The following TUSC3 variants were observed in gnomAD, a reference collection of about 807,000 sequenced individuals.
TUSC3 encodes the protein dolichyl-diphosphooligosaccharide--protein glycosyltransferase subunit TUSC3.
In TUSC3, 45 loss-of-function variants were observed where a neutral mutation model predicts 44.8. The ratio of observed to expected loss-of-function variants is 1.00; its 90% CI spans 0.79 to 1.29. The LOEUF is 1.29. Ranked by LOEUF, TUSC3 falls within the 50% of genes most tolerant of loss-of-function variation. The pLI, the probability that TUSC3 is intolerant of heterozygous loss-of-function variation, is 0.00. For missense variants in TUSC3, 519 were observed against 437.9 expected, an observed-to-expected ratio of 1.19 and a Z score of -1.65; for synonymous variants, 212 against 152.9, an observed-to-expected ratio of 1.39 and a Z score of -2.85.
At chr8:15,735,870 GTTTTT>G (rs747513015) in intron 7 of TUSC3, among the ~76,000 whole-genome samples, 2 of 40,200 alleles carry the variant, frequency 5.0e-5, no homozygotes, top group Admixed American at 3.3e-4. Flanking sequence ...CGGCTAATGG[GTTTTT>G]TTTTTTTGTT....
At chr8:15,722,617 G>T (rs1026765018) in intron 6 of TUSC3, among the ~76,000 whole-genome samples, 3 of 152,028 alleles carry the variant, frequency 2.0e-5, no homozygotes, top group African/African-American at 7.2e-5. Context: ...ATGTGGTGTT[G>T]TTTACCTGCC....
intron 10 of TUSC3, among the ~76,000 whole-genome samples, chr8:15,762,910 A>C (rs529860562): frequency 7.4e-6 from 1 of 134,498 alleles, no homozygotes; most frequent in Non-Finnish European, 1.6e-5. Context: ...GACATTCTTC[A>C]TGGAGATGGT....
chr8:15,728,073 C>T (rs539548892), intron 6 of TUSC3, among the ~76,000 whole-genome samples: 2 of 152,218 alleles, frequency 1.3e-5, no homozygotes, highest in South Asian at 2.1e-4. Context: ...TTATTTTAAC[C>T]TGGCTGCATT....
chr8:15,517,078 A>T (rs539358127), intron 2 of TUSC3, among the ~76,000 whole-genome samples: 8 of 152,276 alleles, frequency 5.3e-5, no homozygotes, highest in African/African-American at 1.9e-4. Flanking sequence ...CGACGTCACT[A>T]ATCAATAGCT....
At chr8:15,671,268 GA>G (rs1807936950) in intron 5 of TUSC3, among the ~76,000 whole-genome samples, 1 of 151,886 alleles carries the variant, frequency 6.6e-6, no homozygotes. Flanking sequence ...TGTGTTTTGT[GA>G]AAATTAATCT....
chr8:15,679,248 C>G (rs567673772), intron 6 of TUSC3, among the ~76,000 whole-genome samples: 9 of 152,254 alleles, frequency 5.9e-5, no homozygotes, highest in Admixed American at 2.6e-4. Flanking sequence ...TCCCTTTTCT[C>G]CACAGCCTTG....
intron 1 of TUSC3, among the ~76,000 whole-genome samples, chr8:15,474,197 T>C (rs1201567504): frequency 6.6e-6 from 1 of 152,182 alleles, no homozygotes; most frequent in South Asian, 2.1e-4. Flanking sequence ...TCAGACCTTA[T>C]GGTTGTCTTC....
At chr8:15,793,767 C>A in the TUSC3 span, among the ~76,000 whole-genome samples, 2 of 152,190 alleles carry the variant, frequency 1.3e-5, no homozygotes, top group Non-Finnish European at 2.9e-5. Flanking sequence ...CAACACCTGG[C>A]ACATATAGGA....
intron 6 of TUSC3, among the ~76,000 whole-genome samples, chr8:15,712,786 T>G (rs1426240034): frequency 6.6e-6 from 1 of 152,138 alleles, no homozygotes; most frequent in African/African-American, 2.4e-5. Flanking sequence ...TATTCTAGTC[T>G]TCACAGGTCA....
intron 5 of TUSC3, 48 bp from the exon 6 acceptor site, chr8:15,673,696 ATTC>A: frequency 7.3e-7 from 1 of 1,364,688 alleles, no homozygotes; most frequent in Non-Finnish European, 1.0e-6. Context: ...GAAATGCATT[ATTC>A]TGGTATTCTC....
rs191618843 is a variant in TUSC3, at chr8:15,584,902, C to G, written c.139-38178C>G. 1.5e-3 allele frequency among the ~76,000 whole-genome samples: 225 copies of G among 152,128 alleles called. 3 individuals carry two copies. Among genetic ancestry groups the G allele is most frequent in the Admixed American group, 3.2e-3 (49 of 15,278 alleles). On this transcript the variant is annotated intron_variant, in intron 1 of 10. Transcript: ENST00000503731. ...GTAAAGCTTTGAGAGATCTGAAATA[C>G]TATTTGGAGTGTTTGTAGTTTATAT...
the TUSC3 span, among the ~76,000 whole-genome samples, chr8:15,819,222 C>T: frequency 6.6e-6 from 1 of 152,160 alleles, no homozygotes; most frequent in African/African-American, 2.4e-5. Context: ...GTAGACTGCA[C>T]ATCAACTATC....
chr8:15,551,273 A>T (rs1277703732), intron 1 of TUSC3, among the ~76,000 whole-genome samples: 1 of 151,716 alleles, frequency 6.6e-6, no homozygotes, highest in Non-Finnish European at 1.5e-5. Flanking sequence ...GTAGACTTTT[A>T]GATCCTTTCT....
intron 10 of TUSC3, among the ~76,000 whole-genome samples, chr8:15,763,546 A>G (rs984414103): frequency 3.3e-5 from 5 of 152,092 alleles, no homozygotes; most frequent in Non-Finnish European, 5.9e-5. Context: ...GTGTTAGCAG[A>G]AAGGTACAGA....
At chr8:15,668,184 A>G (rs576880897) in intron 5 of TUSC3, among the ~76,000 whole-genome samples, 3 of 151,860 alleles carry the variant, frequency 2.0e-5, no homozygotes, top group Admixed American at 6.6e-5. Context: ...TGTTTAGTAA[A>G]TATTTGTTGA....
chr8:15,820,548 G>A, the TUSC3 span, among the ~76,000 whole-genome samples: 9 of 152,200 alleles, frequency 5.9e-5, 1 homozygote, highest in East Asian at 7.8e-4. Flanking sequence ...TCGATCTCTT[G>A]ACCTCATGAT....
At chr8:15,785,818 GAA>G in the TUSC3 span, among the ~76,000 whole-genome samples, 28,176 of 152,000 alleles carry the variant, frequency 0.19, 3,397 homozygotes, top group Admixed American at 0.35. Flanking sequence ...GCCAGGAAAT[GAA>G]AAGAGCCAAA....
the TUSC3 span, among the ~76,000 whole-genome samples, chr8:15,817,389 A>ACTTGAG: frequency 6.6e-6 from 1 of 151,868 alleles, no homozygotes; most frequent in African/African-American, 2.4e-5. Flanking sequence ...CTCAAAGGGT[A>ACTTGAG]ACTATGTGGT....
chr8:15,573,691 G>A (rs915912497), intron 1 of TUSC3, among the ~76,000 whole-genome samples: 7 of 152,028 alleles, frequency 4.6e-5, no homozygotes, highest in African/African-American at 1.7e-4. Context: ...ATTTTGCCCT[G>A]CAGGAGATAC....
Sources: gnomAD v4.1 joint callset for allele counts (sites outside exome capture counted in the v4.1 genomes callset) on GRCh38, gnomAD v4.1.1 for gene constraint, MANE v1.5 for transcripts, NCBI Gene and HGNC (gene_info 2026-07-23, HGNC 2026-07-21) for gene names.